Variants in COG6 observed in about 807,000 individuals in gnomAD.
COG6 encodes the protein conserved oligomeric Golgi complex subunit 6.
COG6 carries 74 observed loss-of-function variants against 88.8 expected under a neutral mutation model. The ratio of observed to expected loss-of-function variants is 0.83; its 90% CI spans 0.69 to 1.01. The LOEUF (loss-of-function observed/expected upper bound fraction) is 1.01. Among genes scored for constraint, COG6 ranks in the 50% least tolerant of loss-of-function variants. The pLI, the probability that COG6 is intolerant of heterozygous loss-of-function variation, is 0.00. For missense variants in COG6, 800 were observed against 797.9 expected (o/e 1.00, Z -0.03); for synonymous variants, 286 against 278.7 (o/e 1.03, Z -0.26).
chr13:39,711,434 T>C (rs1474953511), intron 13 of COG6, among the ~76,000 whole-genome samples: 1 of 152,210 alleles, frequency 6.6e-6, no homozygotes, highest in African/African-American at 2.4e-5. Context: ...AAAATCAAAA[T>C]TAACACTTCG....
rs754159798 is a variant in COG6, at chr13:39,682,212, C to A, written c.736C>A (p.Pro246Thr). 6.2e-7 allele frequency: 1 copy of A among 1,612,706 alleles called. No individual in the cohort carries two copies. Among genetic ancestry groups the A allele is most frequent in the Non-Finnish European group, 8.5e-7 (1 of 1,178,876 alleles). ...GACACAAGAATCATGTGACGTATCT[C>A]CAGTATTGACACAGGCAATGGAAGC... ...TLTQESCDVS[P>T]VLTQAMEALQ... Residue 246 changes from proline to threonine, a missense_variant, in exon 8 of 19, where the codon CCA becomes ACA. By Grantham distance (38) the Pro-to-Thr change is conservative. Transcript: ENST00000455146.
At chr13:39,775,861 C>T (rs1185805019) in intron 18 of COG6, among the ~76,000 whole-genome samples, 1 of 151,770 alleles carries the variant, frequency 6.6e-6, no homozygotes, top group African/African-American at 2.4e-5. Context: ...CCTCTGCCTC[C>T]CAGGTTCAAG....
intron 18 of COG6, among the ~76,000 whole-genome samples, chr13:39,780,625 T>G (rs888440323): frequency 6.6e-6 from 1 of 152,220 alleles, no homozygotes; most frequent in African/African-American, 2.4e-5. Context: ...GTATGTTTTA[T>G]AAACACTCCT....
chr13:39,713,237 C>T (rs1878335802), intron 13 of COG6, among the ~76,000 whole-genome samples: 1 of 152,140 alleles, frequency 6.6e-6, no homozygotes, highest in African/African-American at 2.4e-5. Flanking sequence ...TATTGTTTTA[C>T]ATGAAGTTCA....
At position 39,750,997 on chromosome 13, in the gene COG6, A is replaced by G. The variant is rs1428472638; in HGVS notation, c.1878A>G (p.Glu626=). The part of the protein sequence containing the change: ...STELVCRAYG[E]VYAAVMNPIN... ...AATTAGTCTGCAGAGCCTATGGTGAAGTGTATGCAGCCGTGATGAATCCAA... is the reference window on the plus strand; with the variant it reads ...AATTAGTCTGCAGAGCCTATGGTGAGGTGTATGCAGCCGTGATGAATCCAA... The change falls in exon 19 of 19, where the codon GAA becomes GAG. Residue 626 remains glutamate, a synonymous_variant. Transcript: ENST00000455146. The G allele has an allele frequency of 6.2e-7, 1 of 1,613,712 alleles. No homozygotes were observed. Among genetic ancestry groups the G allele is most frequent in the Admixed American group, 1.7e-5 (1 of 59,938 alleles).
intron 18 of COG6, among the ~76,000 whole-genome samples, chr13:39,732,791 G>C (rs547743644): frequency 3.3e-5 from 5 of 152,296 alleles, no homozygotes; most frequent in East Asian, 1.9e-4. Flanking sequence ...TGTATAATTA[G>C]ATATCATAGT....
At chr13:39,706,213 C>CTTTATATATATATATATACTCT in intron 13 of COG6, among the ~76,000 whole-genome samples, 1 of 18,406 alleles carries the variant, frequency 5.4e-5, no homozygotes, top group Non-Finnish European at 8.9e-5. Flanking sequence ...ATATATACTC[C>CTTTATATATATATATATACTCT]TTTATATATA....
intron 18 of COG6, among the ~76,000 whole-genome samples, chr13:39,731,379 G>T (rs971810705): frequency 2.0e-5 from 3 of 152,268 alleles, no homozygotes; most frequent in Non-Finnish European, 4.4e-5. Context: ...AAAGAATAGA[G>T]AAAGAAAATG....
intron 18 of COG6, among the ~76,000 whole-genome samples, chr13:39,743,526 C>A (rs986364134): frequency 6.6e-6 from 1 of 152,140 alleles, no homozygotes; most frequent in Non-Finnish European, 1.5e-5. Flanking sequence ...AATTCCTTGA[C>A]ACATACACCC....
chr13:39,721,646 A>G lies in COG6; in HGVS notation c.1585-1687A>G, dbSNP rs147775638. ...CCTGGATTCGGTGTGATAGAGGACA[A>G]TACAAAGGTGTGGATATGTGAAGGT... is the stretch of plus-strand genomic sequence containing the variant. On this transcript the variant is annotated intron_variant, in intron 15 of 18. Transcript: ENST00000455146. 4.2e-3 allele frequency among the ~76,000 whole-genome samples: 646 copies of G among 152,196 alleles called. 3 individuals are homozygous for G. Among genetic ancestry groups the G allele is most frequent in the Middle Eastern group, 0.014 (4 of 294 alleles).
At chr13:39,733,970 T>A (rs1471897568) in intron 18 of COG6, among the ~76,000 whole-genome samples, 1 of 152,170 alleles carries the variant, frequency 6.6e-6, no homozygotes, top group Non-Finnish European at 1.5e-5. Flanking sequence ...GGCTGTGATG[T>A]CTCCTTTTTC....
chr13:39,682,393 T>C (rs1876370229), intron 8 of COG6, 129 bp downstream of exon 8: 2 of 648,876 alleles, frequency 3.1e-6, no homozygotes, highest in Non-Finnish European at 5.5e-6. Context: ...AACAATACTG[T>C]TCACCTTAAC....
chr13:39,785,812 A>G (rs1881756473), intron 18 of COG6, among the ~76,000 whole-genome samples: 1 of 152,198 alleles, frequency 6.6e-6, no homozygotes, highest in Admixed American at 6.5e-5. Flanking sequence ...CAGATGAGAA[A>G]TTGAAGCAGA....
chr13:39,657,770 C>G (rs908296769), intron 1 of COG6, among the ~76,000 whole-genome samples: 2 of 152,142 alleles, frequency 1.3e-5, no homozygotes, highest in African/African-American at 4.8e-5. Flanking sequence ...GTTCTCTGCT[C>G]TCTCTTCCAT....
chr13:39,790,738 G>T (rs963823274), exon 19 of COG6: 1 of 151,902 alleles, frequency 6.6e-6, no homozygotes, highest in Admixed American at 6.6e-5. Flanking sequence ...TGGACTTTAT[G>T]TCCATATTTT....
chr13:39,773,211 C>A (rs1881367739), intron 18 of COG6, among the ~76,000 whole-genome samples: 1 of 152,166 alleles, frequency 6.6e-6, no homozygotes, highest in Non-Finnish European at 1.5e-5. Context: ...AGATGACTTC[C>A]AAGGGTGCAG....
At position 39,785,882 on chromosome 13, in the gene COG6, G is replaced by A. The variant is rs369772983; in HGVS notation, c.1827-2453G>A. On this transcript the variant is annotated intron_variant, in intron 18 of 18. Coordinates refer to the COG6 transcript ENST00000416691. ...GGTTAAGAGTACTTGGAGGATGGAG[G>A]ATTTTCCACTTTGCTCAGCTTTGGG... Among the ~76,000 whole-genome samples the A allele has an allele frequency of 1.7e-4, 26 of 152,248 alleles. No homozygotes were observed. The South Asian group carries it at 5.2e-3, about 30-fold the overall frequency.
chr13:39,769,194 T>G (rs1416101002), intron 18 of COG6, among the ~76,000 whole-genome samples: 3 of 152,232 alleles, frequency 2.0e-5, no homozygotes, highest in African/African-American at 7.2e-5. Flanking sequence ...ATAACACTCC[T>G]ATGTACACAT....
At chr13:39,655,904 GT>G (rs1566165455) in intron 1 of COG6, 25 bp downstream of exon 1, 1 of 1,598,198 alleles carries the variant, frequency 6.3e-7, no homozygotes, top group Non-Finnish European at 8.5e-7. Context: ...CGGGGCCGGA[GT>G]CACAGGTTCC....
Sources: allele counts gnomAD v4.1 joint callset (sites outside exome capture counted in the v4.1 genomes callset), GRCh38; gene constraint gnomAD v4.1.1; transcripts MANE v1.5; gene names NCBI Gene and HGNC (gene_info 2026-07-23, HGNC 2026-07-21).